TMPRSS9: variants seen among roughly 807,000 people sequenced by gnomAD.
TMPRSS9 encodes the protein transmembrane protease serine 9.
Under a neutral mutation model 111.4 loss-of-function variants are expected in TMPRSS9, and 113 were observed. That is an observed-to-expected ratio of 1.01 (90% CI 0.87 to 1.19). TMPRSS9 has a LOEUF of 1.19. TMPRSS9 is among the 50% of genes most tolerant of loss of function. The pLI, the probability that TMPRSS9 is intolerant of heterozygous loss-of-function variation, is 0.00. For missense variants in TMPRSS9, 1,803 were observed against 1,513.1 expected (o/e 1.19, Z -3.18); for synonymous variants, 805 against 659.1 (o/e 1.22, Z -3.39).
exon 18 of TMPRSS9, chr19:2,426,198 G>T: frequency 1.2e-6 from 1 of 843,416 alleles, no homozygotes; most frequent in Non-Finnish European, 1.5e-6. Context: ...TGGGGGGGCT[G>T]TGGGTCATGG....
intron 5 of TMPRSS9, 98 bp downstream of exon 6, chr19:2,402,114 T>A: frequency 1.7e-6 from 2 of 1,155,304 alleles, no homozygotes; most frequent in Non-Finnish European, 2.4e-6. Context: ...GGAACGAGGC[T>A]GGGCGCGGTG....
intron 9 of TMPRSS9, among the ~76,000 whole-genome samples, chr19:2,413,235 G>A (rs1313943163): frequency 6.6e-6 from 1 of 152,014 alleles, no homozygotes; most frequent in Non-Finnish European, 1.5e-5. Flanking sequence ...CAGAACGTAA[G>A]GGTCAGGGTG....
At chr19:2,424,254 A>C (rs1568194228) in exon 15 of TMPRSS9, 3 of 1,381,034 alleles carry the variant, frequency 2.2e-6, no homozygotes, top group Non-Finnish European at 2.8e-6. Flanking sequence ...CACTGCTTCG[A>C]CGTGTGAGTT....
chr19:2,364,906 G>A (rs187815408), intron 1 of TMPRSS9, among the ~76,000 whole-genome samples: 3,780 of 151,796 alleles, frequency 0.025, 69 homozygotes, highest in Non-Finnish European at 0.041. Flanking sequence ...GTGAACCCGG[G>A]AGGCAGAGCT....
intron 1 of TMPRSS9, among the ~76,000 whole-genome samples, chr19:2,383,240 G>C (rs1222308190): frequency 6.6e-6 from 1 of 151,876 alleles, no homozygotes; most frequent in Admixed American, 6.6e-5. Flanking sequence ...TGTAATCCCA[G>C]CTACTTGGGA....
intron 1 of TMPRSS9, among the ~76,000 whole-genome samples, chr19:2,362,160 TTGTG>T (rs772862592): frequency 2.0e-5 from 3 of 152,046 alleles, no homozygotes; most frequent in African/African-American, 4.8e-5. Context: ...TTGTGTATGG[TTGTG>T]TGTGGTCATG....
rs751644472 is a variant in TMPRSS9, at chr19:2,421,969, G to A, written c.2270G>A (p.Arg757His). ...GTTAAGAAGCCGGGCGTGTACACGC[G>A]CATCACCAGGCTAAAGGGCTGGATC... Residue 757 changes from arginine (R) to histidine (H), a missense_variant, in exon 14 of 18, where the codon CGC becomes CAC. Transcript: ENST00000648592. 17 of 1,613,074 alleles carry A rather than the reference G, an allele frequency of 1.1e-5. No homozygotes were observed. The Middle Eastern group carries it at 8.2e-4, about 78-fold the overall frequency.
At chr19:2,400,165 A>G (rs1346676349) in intron 4 of TMPRSS9, among the ~76,000 whole-genome samples, 1 of 152,256 alleles carries the variant, frequency 6.6e-6, no homozygotes, top group Non-Finnish European at 1.5e-5. Context: ...TAAAAATAAC[A>G]AGCAGTGGGC....
intron 1 of TMPRSS9, among the ~76,000 whole-genome samples, chr19:2,361,741 C>T (rs900883938): frequency 2.6e-5 from 4 of 152,210 alleles, no homozygotes; most frequent in Non-Finnish European, 5.9e-5. Flanking sequence ...GGGGGTCAAA[C>T]CAGGCCTCGG....
chr19:2,384,805 G>T (rs1052823214), upstream of TMPRSS9, among the ~76,000 whole-genome samples: 98 of 124,916 alleles, frequency 7.8e-4, no homozygotes, highest in African/African-American at 2.8e-3. Flanking sequence ...ACAGAGTAAG[G>T]CTCCGTCAAA....
intron 6 of TMPRSS9, among the ~76,000 whole-genome samples, chr19:2,403,417 G>C (rs537110507): frequency 1.3e-5 from 2 of 152,294 alleles, no homozygotes; most frequent in African/African-American, 4.8e-5. Flanking sequence ...AGAAGCCTGG[G>C]GAGAGGAGGG....
upstream of TMPRSS9, among the ~76,000 whole-genome samples, chr19:2,386,330 C>A (rs1970474007): frequency 6.6e-6 from 1 of 151,744 alleles, no homozygotes; most frequent in South Asian, 2.1e-4. Context: ...ATGGTGAAAC[C>A]CCGTCTCTAC....
intron 2 of TMPRSS9, among the ~76,000 whole-genome samples, chr19:2,397,703 G>A (rs1970739399): frequency 6.6e-6 from 1 of 151,766 alleles, no homozygotes; most frequent in African/African-American, 2.4e-5. Context: ...GTGGATACCT[G>A]AGGTCAGGAG....
intron 1 of TMPRSS9, among the ~76,000 whole-genome samples, chr19:2,363,797 TGTGTGTGCGTGCGCGCGTGTGTGTGTGA>T (rs1970224181): frequency 7.7e-6 from 1 of 130,670 alleles, no homozygotes; most frequent in Admixed American, 8.2e-5. Flanking sequence ...TGAGTGTGTG[TGTGTGTGCGTGCGCGCGTGTGTGTGTGA>T]GAGAGAGAGA....
chr19:2,410,252 G>T lies in TMPRSS9; in HGVS notation c.1118-6G>T, dbSNP rs1261744238. 4 of 1,613,632 alleles carry T rather than the reference G, an allele frequency of 2.5e-6. No homozygotes were observed. The South Asian group carries it at 3.3e-5, about 13-fold the overall frequency. On this transcript the variant is annotated splice_region_variant and splice_polypyrimidine_tract_variant and intron_variant, in intron 8 of 17. Transcript: ENST00000648592. ...TCACCCTGCTTTTCTCTCCCCATTCGGCCAGTGGTCAAGCCAGAGGTGCTG... is the reference window on the plus strand; with the variant it reads ...TCACCCTGCTTTTCTCTCCCCATTCTGCCAGTGGTCAAGCCAGAGGTGCTG...
At chr19:2,393,298 C>T (rs1388852907) in intron 1 of TMPRSS9, among the ~76,000 whole-genome samples, 1 of 152,068 alleles carries the variant, frequency 6.6e-6, no homozygotes, top group East Asian at 1.9e-4. Context: ...ACTCCTGAGG[C>T]CAGCAAAACC....
intron 2 of TMPRSS9, among the ~76,000 whole-genome samples, chr19:2,397,210 C>T (rs115032475): frequency 0.031 from 4,742 of 152,220 alleles, 277 homozygotes; most frequent in African/African-American, 0.11. Context: ...CGTGAGTCAC[C>T]GTACCCAACC....
At chr19:2,421,116 G>GA (rs1971453559) in intron 13 of TMPRSS9, among the ~76,000 whole-genome samples, 1 of 151,644 alleles carries the variant, frequency 6.6e-6, no homozygotes, top group Admixed American at 6.6e-5. Flanking sequence ...TGAGGCAGGA[G>GA]AATCACTTGA....
chr19:2,387,546 A>G (rs1465653920), upstream of TMPRSS9, among the ~76,000 whole-genome samples: 1 of 149,320 alleles, frequency 6.7e-6, no homozygotes, highest in East Asian at 1.9e-4. Flanking sequence ...AAAGGAAGGG[A>G]AGGGAAAGGA....
Sources: allele counts gnomAD v4.1 joint callset (sites outside exome capture counted in the v4.1 genomes callset), GRCh38; gene constraint gnomAD v4.1.1; transcripts MANE v1.5; gene names NCBI Gene and HGNC (gene_info 2026-07-23, HGNC 2026-07-21).